NLGN4X: variants seen among roughly 807,000 people sequenced by gnomAD.
NLGN4X encodes neuroligin-4, X-linked.
NLGN4X carries 3 observed loss-of-function variants against 40.3 expected under a neutral mutation model. The observed-to-expected ratio is 0.07, with a 90% CI of 0.03 to 0.19. NLGN4X has a LOEUF of 0.19. Ranked by LOEUF, NLGN4X falls within the 10% of genes least tolerant of loss-of-function variation. The probability of loss-of-function intolerance (pLI) is 1.00; values close to 1 mark genes in which losing one functional copy is unlikely to be tolerated. For missense variants in NLGN4X, 382 were observed against 708.3 expected, an observed-to-expected ratio of 0.54 and a Z score of 5.23; for synonymous variants, 270 against 306.8, an observed-to-expected ratio of 0.88 and a Z score of 1.25.
At chrX:6,115,074 G>T (rs1451029336) in intron 2 of NLGN4X, among the ~76,000 whole-genome samples, 1 of 112,363 alleles carries the variant, frequency 8.9e-6, no homozygotes, top group Non-Finnish European at 1.9e-5. Flanking sequence ...ATGCCTGTGT[G>T]TTGGAATAAG....
chrX:5,899,201 C>G (rs1456143239), intron 5 of NLGN4X, among the ~76,000 whole-genome samples: 1 of 112,424 alleles, frequency 8.9e-6, no homozygotes, highest in Non-Finnish European at 1.9e-5. Flanking sequence ...AAAGAGCTCA[C>G]TGCATTAATA....
At chrX:5,966,519 G>C in intron 3 of NLGN4X, among the ~76,000 whole-genome samples, 1 of 112,654 alleles carries the variant, frequency 8.9e-6, no homozygotes, top group African/African-American at 3.2e-5. Flanking sequence ...ATGTAGAATA[G>C]TCAATGACTA....
intron 1 of NLGN4X, among the ~76,000 whole-genome samples, chrX:6,210,142 T>A (rs111373038): frequency 3.6e-5 from 4 of 111,698 alleles, no homozygotes; most frequent in African/African-American, 1.3e-4. Flanking sequence ...AAATATCACA[T>A]GCAATGTGGA....
At chrX:6,075,632 G>A (rs1170129047) in intron 2 of NLGN4X, among the ~76,000 whole-genome samples, 1 of 111,164 alleles carries the variant, frequency 9.0e-6, no homozygotes, top group East Asian at 2.9e-4. Flanking sequence ...CAGCCTTGCA[G>A]TAATGACTGA....
chrX:6,007,546 TA>T (rs2036134626), intron 3 of NLGN4X, among the ~76,000 whole-genome samples: 1 of 112,477 alleles, frequency 8.9e-6, no homozygotes, highest in Non-Finnish European at 1.9e-5. Context: ...ATTTTGTTCT[TA>T]AAATAATTTT....
intron 2 of NLGN4X, among the ~76,000 whole-genome samples, chrX:6,100,856 C>T (rs751062955): frequency 2.7e-5 from 3 of 111,169 alleles, no homozygotes; most frequent in Non-Finnish European, 5.7e-5. Flanking sequence ...AATATATATA[C>T]GATAAACATA....
chrX:6,201,407 G>A (rs1315950468), intron 1 of NLGN4X, among the ~76,000 whole-genome samples: 1 of 111,291 alleles, frequency 9.0e-6, no homozygotes, highest in African/African-American at 3.3e-5. Flanking sequence ...GGCGGAGATG[G>A]GGCAGGTGGT....
rs751440979 is a variant in NLGN4X, at chrX:6,216,637, T to A, written c.-306+11904A>T. On this transcript the variant is annotated intron_variant, in intron 1 of 5. Coordinates refer to ENST00000381095, the MANE Select transcript of NLGN4X (RefSeq NM_181332.3). ...TGAGGGAGTATGGTTTACTTTTAAA[T>A]ATAGTTTTGCAAACTCCTCTGTTTG... is the stretch of plus-strand genomic sequence containing the variant. 2.7e-5 allele frequency among the ~76,000 whole-genome samples: 3 copies of A among 110,543 alleles called. No individual in the cohort carries two copies. In the East Asian group the frequency reaches 8.7e-4, roughly 32 times the overall value.
chrX:6,138,399 A>G (rs1425312126), intron 2 of NLGN4X, among the ~76,000 whole-genome samples: 1 of 111,724 alleles, frequency 9.0e-6, no homozygotes, highest in Admixed American at 9.6e-5. Flanking sequence ...GAGAAAGGAA[A>G]CATTCCAAAT....
intron 2 of NLGN4X, among the ~76,000 whole-genome samples, chrX:6,106,143 G>A (rs1044387612): frequency 3.6e-5 from 4 of 111,839 alleles, no homozygotes; most frequent in African/African-American, 1.3e-4. Context: ...TCCACCCTGA[G>A]GTGGAAAAGA....
intron 2 of NLGN4X, among the ~76,000 whole-genome samples, chrX:6,065,349 A>C: frequency 1.8e-5 from 1 of 55,989 alleles, no homozygotes. Flanking sequence ...GCTAAGTGTC[A>C]CTCTCTGGCC....
chrX:5,935,130 C>A (rs1219952280), intron 3 of NLGN4X, among the ~76,000 whole-genome samples: 1 of 111,625 alleles, frequency 9.0e-6, no homozygotes, highest in Non-Finnish European at 1.9e-5. Context: ...TAATATCTAA[C>A]AACAAATACA....
chrX:6,034,678 A>C (rs752052795), intron 2 of NLGN4X, among the ~76,000 whole-genome samples: 23 of 104,808 alleles, frequency 2.2e-4, no homozygotes, highest in Non-Finnish European at 3.7e-4. Flanking sequence ...TGTTATAACC[A>C]TACTAATGGA....
intron 3 of NLGN4X, among the ~76,000 whole-genome samples, chrX:5,931,113 G>C (rs1023252947): frequency 8.9e-6 from 1 of 112,105 alleles, no homozygotes; most frequent in Non-Finnish European, 1.9e-5. Flanking sequence ...ATATAGTGAT[G>C]GGTTGGGAGG....
At chrX:5,977,704 T>C (rs756436330) in intron 3 of NLGN4X, among the ~76,000 whole-genome samples, 80 of 111,234 alleles carry the variant, frequency 7.2e-4, no homozygotes, top group African/African-American at 2.3e-3. Flanking sequence ...ATGCAGCAAA[T>C]ATCAGTAGTG....
intron 1 of NLGN4X, among the ~76,000 whole-genome samples, chrX:6,158,149 G>A (rs893515049): frequency 9.9e-5 from 11 of 111,444 alleles, no homozygotes; most frequent in Admixed American, 8.6e-4. Context: ...CTCTCTCACC[G>A]AACTCAAAGT....
intron 2 of NLGN4X, among the ~76,000 whole-genome samples, chrX:6,101,015 A>AGTCTCCC (rs2038896677): frequency 9.0e-6 from 1 of 111,262 alleles, no homozygotes; most frequent in Admixed American, 9.6e-5. Context: ...AGGAGGTAGG[A>AGTCTCCC]AAATCATGTC....
intron 4 of NLGN4X, among the ~76,000 whole-genome samples, chrX:5,908,592 T>C (rs1366361863): frequency 8.9e-6 from 1 of 111,775 alleles, no homozygotes; most frequent in East Asian, 2.8e-4. Flanking sequence ...CAACACCTAA[T>C]TGTCACACAT....
chrX:6,096,495 A>G (rs935048556), intron 2 of NLGN4X, among the ~76,000 whole-genome samples: 1 of 112,049 alleles, frequency 8.9e-6, no homozygotes, highest in Non-Finnish European at 1.9e-5. Context: ...AAATAATGGT[A>G]CAACATCTCC....
Sources: gnomAD v4.1 joint callset for allele counts (sites outside exome capture counted in the v4.1 genomes callset) on GRCh38, gnomAD v4.1.1 for gene constraint, MANE v1.5 for transcripts, NCBI Gene and HGNC (gene_info 2026-07-23, HGNC 2026-07-21) for gene names.